Variants in SBF2 observed in about 807,000 individuals in gnomAD.
SBF2 encodes the protein SET binding factor 2.
SBF2 carries 112 observed loss-of-function variants against 225.2 expected under a neutral mutation model. That is an observed-to-expected ratio of 0.50 (90% confidence interval 0.43 to 0.58). The LOEUF (loss-of-function observed/expected upper bound fraction) is 0.58, where lower values mean the gene tolerates loss of function less well. Among genes scored for constraint, SBF2 ranks in the 20% least tolerant of loss-of-function variants. SBF2 has a pLI of 0.00. For synonymous variants in SBF2, 763 were observed against 773.3 expected (o/e 0.99, Z 0.22); for missense variants, 1,996 against 2,206.2 (o/e 0.90, Z 1.91).
At chr11:9,880,718 T>G (rs760494059) in intron 17 of SBF2, among the ~76,000 whole-genome samples, 30 of 152,300 alleles carry the variant, frequency 2.0e-4, no homozygotes, top group Non-Finnish European at 4.0e-4. Context: ...CAGAGAATAA[T>G]ATTAGTCTAA....
intron 25 of SBF2, among the ~76,000 whole-genome samples, chr11:9,841,551 G>C (rs360170): frequency 0.016 from 2,390 of 149,780 alleles, 44 homozygotes; most frequent in African/African-American, 0.034. Context: ...TTTTTTTTGA[G>C]GCAGAGTCTT....
At chr11:9,837,756 G>C (rs1011331348) in intron 26 of SBF2, among the ~76,000 whole-genome samples, 1 of 131,142 alleles carries the variant, frequency 7.6e-6, no homozygotes, top group African/African-American at 2.9e-5. Flanking sequence ...CTTTTTTTTT[G>C]GAGACGGAGT....
At chr11:10,145,117 G>C (rs767589154) in intron 2 of SBF2, among the ~76,000 whole-genome samples, 20 of 152,284 alleles carry the variant, frequency 1.3e-4, no homozygotes, top group Non-Finnish European at 1.8e-4. Flanking sequence ...ACAACGTCCA[G>C]GGCCTCAGTT....
At chr11:9,827,353 C>G (rs1475661019) in intron 28 of SBF2, among the ~76,000 whole-genome samples, 1 of 152,076 alleles carries the variant, frequency 6.6e-6, no homozygotes, top group African/African-American at 2.4e-5. Context: ...CATAGTAAGA[C>G]TCTGTCCCAA....
In SBF2 at chr11:9,992,504, A is replaced by G; in HGVS notation, c.1207T>C (p.Phe403Leu). 2.5e-6 allele frequency: 4 copies of G among 1,613,332 alleles called. No individual in the cohort carries two copies. The highest frequency in any genetic ancestry group is 3.4e-6 in the Non-Finnish European group (4 of 1,179,524). Residue 403 changes from phenylalanine (F) to leucine (L), a missense_variant, in exon 12 of 40, where the codon TTC becomes CTC. Physicochemically the swap from Phe to Leu is conservative, Grantham distance 22 (BLOSUM62 0). Transcript: ENST00000256190. ...LGQRGLVEND[F>L]LTKVLSGMAF... ...ATTCCACTGAGTACTTTAGTGAGGA[A>G]ATCATTCTCGACCAAACCACGCTGC...
chr11:10,114,625 T>C (rs1028507884), intron 2 of SBF2, among the ~76,000 whole-genome samples: 1 of 152,352 alleles, frequency 6.6e-6, no homozygotes, highest in East Asian at 1.9e-4. Context: ...ACCGATGACA[T>C]TTTAATATCA....
At chr11:9,977,056 C>A (rs564553334) in intron 13 of SBF2, among the ~76,000 whole-genome samples, 1 of 152,130 alleles carries the variant, frequency 6.6e-6, no homozygotes. Context: ...CCGCACCCCA[C>A]CCAACTGATT....
intron 1 of SBF2, among the ~76,000 whole-genome samples, chr11:10,225,909 C>T (rs1039397991): frequency 2.6e-5 from 4 of 152,038 alleles, no homozygotes; most frequent in African/African-American, 4.8e-5. Context: ...GTAAAGGAGT[C>T]GATTAGCAGT....
intron 16 of SBF2, among the ~76,000 whole-genome samples, chr11:9,953,466 T>C (rs1308218834): frequency 6.6e-6 from 1 of 151,864 alleles, no homozygotes; most frequent in Non-Finnish European, 1.5e-5. Flanking sequence ...AAAAAGAAAC[T>C]GTGGCAGATA....
chr11:10,251,613 G>T (rs1470444324), intron 1 of SBF2, among the ~76,000 whole-genome samples: 1 of 152,112 alleles, frequency 6.6e-6, no homozygotes, highest in Non-Finnish European at 1.5e-5. Flanking sequence ...AGGTGGTTTG[G>T]TTTATGGGGA....
rs200410252 is a variant in SBF2 at position 10,073,732 on chromosome 11, CA to C, written c.142-30752del. ...AGAGTGCGGCTCCAACTCAAAAAAACAAAAAAAAAGATTTAGGAGACCTATC... is the reference window on the plus strand; with the variant it reads ...AGAGTGCGGCTCCAACTCAAAAAAACAAAAAAAAGATTTAGGAGACCTATC... On this transcript the variant is annotated intron_variant, in intron 2 of 39. Coordinates refer to ENST00000256190, the MANE Select transcript of SBF2 (RefSeq NM_030962.4). Among the ~76,000 whole-genome samples the C allele has an allele frequency of 1.3e-4, 19 of 149,820 alleles. No homozygotes were observed. The South Asian group carries it at 3.2e-3, about 25-fold the overall frequency.
At chr11:9,944,458 T>C (rs1042642246) in intron 16 of SBF2, among the ~76,000 whole-genome samples, 2 of 152,330 alleles carry the variant, frequency 1.3e-5, no homozygotes, top group East Asian at 3.9e-4. Flanking sequence ...GCAGAATGGG[T>C]AGTGATTAGC....
chr11:10,108,393 G>A (rs1327235936), intron 2 of SBF2, among the ~76,000 whole-genome samples: 2 of 152,018 alleles, frequency 1.3e-5, no homozygotes, highest in Non-Finnish European at 2.9e-5. Flanking sequence ...CACTAATTCA[G>A]AGTTCCCTGT....
At chr11:10,036,675 T>C (rs1949450733) in intron 3 of SBF2, among the ~76,000 whole-genome samples, 1 of 152,160 alleles carries the variant, frequency 6.6e-6, no homozygotes, top group African/African-American at 2.4e-5. Context: ...AAGGCATAAG[T>C]GGGATTAACA....
At chr11:9,994,109 A>G in intron 9 of SBF2, 111 bp from the exon 10 acceptor site, 1 of 820,960 alleles carries the variant, frequency 1.2e-6, no homozygotes, top group Non-Finnish European at 2.0e-6. Context: ...TCCCTCCATG[A>G]ATACAATTCA....
chr11:9,824,257 TAG>T (rs1854936470), intron 28 of SBF2, among the ~76,000 whole-genome samples: 2 of 151,844 alleles, frequency 1.3e-5, no homozygotes, highest in African/African-American at 4.8e-5. Context: ...GAAGATAGTG[TAG>T]TTGAAAAAGA....
intron 2 of SBF2, among the ~76,000 whole-genome samples, chr11:10,097,548 G>A (rs1759594025): frequency 1.3e-5 from 2 of 152,018 alleles, no homozygotes; most frequent in Non-Finnish European, 2.9e-5. Context: ...TTATTAGAAA[G>A]GAAATCCTCA....
At chr11:10,098,447 G>GATGGC (rs1952123805) in intron 2 of SBF2, among the ~76,000 whole-genome samples, 3 of 149,762 alleles carry the variant, frequency 2.0e-5, no homozygotes, top group African/African-American at 7.4e-5. Flanking sequence ...TGAATGTGAA[G>GATGGC]ATGGCAAGGC....
In SBF2 at chr11:9,808,977, A is replaced by G. The variant is rs755152304; in HGVS notation, c.4181T>C (p.Val1394Ala). The G allele has an allele frequency of 6.2e-7, 1 of 1,614,006 alleles. No individual in the cohort carries two copies. Among genetic ancestry groups the G allele is most frequent in the Non-Finnish European group, 8.5e-7 (1 of 1,179,888 alleles). Reference sequence around the variant, plus strand: ...ATTCTCAAGTACTTCTGATACAACCACAGCCAGCTGCATTATCCTGTGAAG... The same window carrying G: ...ATTCTCAAGTACTTCTGATACAACCGCAGCCAGCTGCATTATCCTGTGAAG... ...PQLHRIMQLA[V>A]VVSEVLENGS... Residue 1394 changes from valine (V) to alanine (A), a missense_variant, in exon 31 of 40, where the codon GTG becomes GCG. Coordinates refer to ENST00000256190, the MANE Select transcript of SBF2 (RefSeq NM_030962.4).
Sources: gnomAD v4.1 joint callset for allele counts (sites outside exome capture counted in the v4.1 genomes callset) on GRCh38, gnomAD v4.1.1 for gene constraint, MANE v1.5 for transcripts, NCBI Gene and HGNC (gene_info 2026-07-23, HGNC 2026-07-21) for gene names.